DPP10: variants seen among roughly 807,000 people sequenced by gnomAD.
DPP10 encodes the protein inactive dipeptidyl peptidase 10.
A neutral mutation model predicts 120.9 loss-of-function variants in DPP10; 33 were observed. The ratio of observed to expected loss-of-function variants is 0.27; its 90% CI spans 0.21 to 0.37. The LOEUF is 0.37. Ranked by LOEUF, DPP10 falls within the 10% of genes least tolerant of loss-of-function variation. The pLI is 1.00. For missense variants in DPP10, 816 were observed against 942.8 expected (o/e 0.87, Z 1.76); for synonymous variants, 337 against 326.1 (o/e 1.03, Z -0.36).
chr2:114,484,035 G>C (rs1681289822), intron 1 of DPP10, among the ~76,000 whole-genome samples: 1 of 152,080 alleles, frequency 6.6e-6, no homozygotes, highest in Non-Finnish European at 1.5e-5. Flanking sequence ...TCTGAGACTG[G>C]ACCTTATTTC....
At chr2:115,822,229 A>G (rs1687886415) in intron 21 of DPP10, among the ~76,000 whole-genome samples, 1 of 152,016 alleles carries the variant, frequency 6.6e-6, no homozygotes, top group Admixed American at 6.6e-5. Flanking sequence ...ATTAAAATTT[A>G]CTAAGTCACA....
chr2:115,701,483 T>C (rs897347536), intron 7 of DPP10, among the ~76,000 whole-genome samples: 1 of 152,084 alleles, frequency 6.6e-6, no homozygotes, highest in Non-Finnish European at 1.5e-5. Flanking sequence ...ATAAAACTTT[T>C]AGAAGAAAAT....
intron 1 of DPP10, among the ~76,000 whole-genome samples, chr2:114,680,570 T>G (rs1192935755): frequency 6.6e-6 from 1 of 152,000 alleles, no homozygotes; most frequent in East Asian, 1.9e-4. Context: ...TGTTTTCAAT[T>G]GAATAAAAAC....
intron 5 of DPP10, among the ~76,000 whole-genome samples, chr2:115,619,840 G>A (rs1229437893): frequency 6.6e-6 from 1 of 152,128 alleles, no homozygotes; most frequent in Non-Finnish European, 1.5e-5. Context: ...GAGACAGCTG[G>A]CACCTGAGAG....
chr2:115,746,252 T>G, intron 10 of DPP10, 69 bp downstream of exon 10: 1 of 1,335,834 alleles, frequency 7.5e-7, no homozygotes. Flanking sequence ...TTTGTTGCAA[T>G]TTAGAGAGAG....
chr2:115,371,672 G>C (rs2065420725), intron 3 of DPP10, among the ~76,000 whole-genome samples: 1 of 151,976 alleles, frequency 6.6e-6, no homozygotes, highest in South Asian at 2.1e-4. Flanking sequence ...ATGCTGTGAT[G>C]TTAATTTCAG....
chr2:114,714,047 A>T (rs924533545), intron 1 of DPP10, among the ~76,000 whole-genome samples: 6 of 149,244 alleles, frequency 4.0e-5, no homozygotes, highest in African/African-American at 9.8e-5. Context: ...TAGACTTTGC[A>T]TGTGTTCCTG....
At chr2:115,375,544 A>G (rs1439346234) in intron 3 of DPP10, among the ~76,000 whole-genome samples, 2 of 152,106 alleles carry the variant, frequency 1.3e-5, no homozygotes, top group East Asian at 3.9e-4. Flanking sequence ...TTCCAAAGTC[A>G]CTTCCACATT....
At chr2:115,753,618 T>C (rs1468515563) in intron 11 of DPP10, among the ~76,000 whole-genome samples, 1 of 152,174 alleles carries the variant, frequency 6.6e-6, no homozygotes, top group African/African-American at 2.4e-5. Flanking sequence ...TTGTCTTTGA[T>C]TATCTTGAGA....
chr2:114,602,298 G>C, intron 1 of DPP10, among the ~76,000 whole-genome samples: 1 of 150,922 alleles, frequency 6.6e-6, no homozygotes, highest in East Asian at 1.9e-4. Context: ...TTCTATTCCT[G>C]TATGTAATAC....
chr2:115,748,425 A>C (rs1352584379), intron 10 of DPP10, among the ~76,000 whole-genome samples: 3 of 152,066 alleles, frequency 2.0e-5, no homozygotes, highest in Non-Finnish European at 4.4e-5. Flanking sequence ...TTCTTGTCTT[A>C]ATAAAATCGC....
At chr2:114,545,517 T>C (rs1045883829) in intron 1 of DPP10, among the ~76,000 whole-genome samples, 58 of 152,330 alleles carry the variant, frequency 3.8e-4, no homozygotes, top group African/African-American at 1.3e-3. Context: ...ACATACAATG[T>C]CTTTCCAACT....
At chr2:115,377,858 G>A (rs1466931504) in intron 3 of DPP10, among the ~76,000 whole-genome samples, 1 of 152,162 alleles carries the variant, frequency 6.6e-6, no homozygotes, top group Non-Finnish European at 1.5e-5. Flanking sequence ...AGATCAGATA[G>A]TTGCAGATAT....
At chr2:115,148,877 CT>C (rs901055457) in intron 1 of DPP10, among the ~76,000 whole-genome samples, 11 of 152,108 alleles carry the variant, frequency 7.2e-5, no homozygotes, top group African/African-American at 2.7e-4. Context: ...TCATATTAAT[CT>C]TTTTTTGCAT....
chr2:115,602,546 A>G (rs1401132032), intron 5 of DPP10, among the ~76,000 whole-genome samples: 3 of 152,198 alleles, frequency 2.0e-5, no homozygotes, highest in African/African-American at 7.2e-5. Flanking sequence ...CTTTGGAGTC[A>G]TATAAATTTC....
intron 1 of DPP10, among the ~76,000 whole-genome samples, chr2:114,774,902 T>C (rs1249207386): frequency 6.6e-6 from 1 of 151,968 alleles, no homozygotes; most frequent in African/African-American, 2.4e-5. Flanking sequence ...GAACGAACCC[T>C]GTTTAAACTC....
chr2:115,413,676 G>T (rs1444001528), intron 3 of DPP10, among the ~76,000 whole-genome samples: 1 of 152,154 alleles, frequency 6.6e-6, no homozygotes, highest in Non-Finnish European at 1.5e-5. Context: ...CTTTATGAAT[G>T]AAGTGCTGAT....
rs72840619 is a variant in DPP10 at position 114,494,609 on chromosome 2, C to T, written c.60+51771C>T. Reference sequence around the variant, plus strand: ...TTCCTGCTACAAGGATTAGGAAATCCGGTCATACCTACATTGTGCCTATCT... The same window carrying T: ...TTCCTGCTACAAGGATTAGGAAATCTGGTCATACCTACATTGTGCCTATCT... On this transcript the variant is annotated intron_variant, in intron 1 of 25. Transcript: ENST00000410059. Among the ~76,000 whole-genome samples, 1,263 of 152,114 alleles carry T rather than the reference C, an allele frequency of 8.3e-3. 8 individuals are homozygous for T. Among genetic ancestry groups the T allele is most frequent in the Admixed American group, 0.013 (200 of 15,260 alleles).
At chr2:115,598,509 T>C (rs2083123783) in intron 5 of DPP10, among the ~76,000 whole-genome samples, 2 of 151,972 alleles carry the variant, frequency 1.3e-5, no homozygotes, top group Admixed American at 6.6e-5. Context: ...TAATGAACAA[T>C]ATATAACAGT....
Sources: allele counts gnomAD v4.1 joint callset (sites outside exome capture counted in the v4.1 genomes callset), GRCh38; gene constraint gnomAD v4.1.1; transcripts MANE v1.5; gene names NCBI Gene and HGNC (gene_info 2026-07-23, HGNC 2026-07-21).